CSMD1: variants seen among roughly 807,000 people sequenced by gnomAD.
CSMD1 encodes CUB and Sushi multiple domains 1.
In CSMD1, 213 loss-of-function variants were observed where a neutral mutation model predicts 417.5. The ratio of observed to expected loss-of-function variants is 0.51; its 90% CI spans 0.46 to 0.57. The LOEUF is 0.57. Among genes scored for constraint, CSMD1 ranks in the 20% least tolerant of loss-of-function variants. CSMD1 has a pLI of 0.00. For missense variants in CSMD1, 6,923 were observed against 4,529.7 expected, an observed-to-expected ratio of 1.53 and a Z score of -15.17; for synonymous variants, 2,862 against 1,736.8, an observed-to-expected ratio of 1.65 and a Z score of -16.11.
At chr8:2,964,294 G>A (rs1453212197) in intron 59 of CSMD1, among the ~76,000 whole-genome samples, 1 of 152,218 alleles carries the variant, frequency 6.6e-6, no homozygotes, top group South Asian at 2.1e-4. Context: ...TTGGAAATGG[G>A]TCCTTCCCTC....
intron 2 of CSMD1, among the ~76,000 whole-genome samples, chr8:4,559,047 C>G (rs1229316961): frequency 1.3e-5 from 2 of 152,028 alleles, no homozygotes; most frequent in Non-Finnish European, 2.9e-5. Context: ...CCCTTTGGAG[C>G]CCTCATCTTG....
chr8:4,719,322 C>G (rs558323615), intron 1 of CSMD1, among the ~76,000 whole-genome samples: 1 of 152,010 alleles, frequency 6.6e-6, no homozygotes, highest in African/African-American at 2.4e-5. Context: ...TAAGGGTTTT[C>G]TAATCTATTT....
intron 2 of CSMD1, among the ~76,000 whole-genome samples, chr8:4,575,478 G>C (rs555338858): frequency 3.3e-5 from 5 of 152,140 alleles, no homozygotes; most frequent in African/African-American, 7.2e-5. Context: ...AACGTTATCT[G>C]AAGAAAAGGA....
rs756296256 is a variant in CSMD1 at position 3,220,150 on chromosome 8, C to CAAAAAAAAAAAAAAA, written c.4485-709_4485-708insTTTTTTTTTTTTTTT. ...CCTGAGAGACAGAACAAGACCCTGT[C>CAAAAAAAAAAAAAAA]AAAAAAAAAAAAAGACTCCACTTGC... On this transcript the variant is annotated intron_variant, in intron 28 of 69. Coordinates refer to ENST00000635120, the MANE Select transcript of CSMD1 (RefSeq NM_033225.6). 9.0e-4 allele frequency among the ~76,000 whole-genome samples: 103 copies of CAAAAAAAAAAAAAAA among 114,152 alleles called. 5 individuals carry two copies. Among genetic ancestry groups the CAAAAAAAAAAAAAAA allele is most frequent in the African/African-American group, 3.3e-3 (95 of 28,866 alleles). 74.9% of individuals were successfully genotyped at this position (114,152 alleles called of 152,430 possible).
Position 3,312,275 on chromosome 8 carries a change from T to C in CSMD1, c.3632-3772A>G, listed in dbSNP as rs550595323. 2.2e-4 allele frequency among the ~76,000 whole-genome samples: 33 copies of C among 152,334 alleles called. 1 individual carries two copies. In the South Asian group the frequency reaches 6.4e-3, roughly 30 times the overall value. ...CATACAGAAGAATTAAGCCAAGTTA[T>C]TTATGGCAGCGTAGTTTTCTCTTTA... On this transcript the variant is annotated intron_variant, in intron 23 of 69. Coordinates refer to ENST00000635120, the MANE Select transcript of CSMD1 (RefSeq NM_033225.6).
intron 7 of CSMD1, among the ~76,000 whole-genome samples, chr8:3,656,116 G>A (rs1023918336): frequency 6.6e-6 from 1 of 152,198 alleles, no homozygotes; most frequent in African/African-American, 2.4e-5. Flanking sequence ...ATCATGGGGT[G>A]CGCAGTGAAC....
chr8:4,879,137 T>C (rs1183390227), intron 1 of CSMD1, among the ~76,000 whole-genome samples: 1 of 151,726 alleles, frequency 6.6e-6, no homozygotes, highest in African/African-American at 2.4e-5. Context: ...GCAAACAAAA[T>C]ATGGTGGCAG....
intron 1 of CSMD1, among the ~76,000 whole-genome samples, chr8:4,965,692 G>C (rs904915472): frequency 6.6e-6 from 1 of 152,118 alleles, no homozygotes; most frequent in Non-Finnish European, 1.5e-5. Flanking sequence ...TTGGCTGGAT[G>C]TTCAAATAAG....
At chr8:4,359,970 A>G (rs1402901808) in intron 3 of CSMD1, among the ~76,000 whole-genome samples, 1 of 152,198 alleles carries the variant, frequency 6.6e-6, no homozygotes, top group African/African-American at 2.4e-5. Context: ...CATGGTTAGG[A>G]TGCTCAATTA....
At chr8:4,456,445 G>C (rs910909263) in intron 2 of CSMD1, among the ~76,000 whole-genome samples, 1 of 152,108 alleles carries the variant, frequency 6.6e-6, no homozygotes, top group African/African-American at 2.4e-5. Flanking sequence ...TTGCTGTTAA[G>C]AGTATTCTTA....
At chr8:3,378,273 A>C (rs533301643) in intron 18 of CSMD1, among the ~76,000 whole-genome samples, 1 of 152,348 alleles carries the variant, frequency 6.6e-6, no homozygotes, top group African/African-American at 2.4e-5. Flanking sequence ...TACCAACTAA[A>C]AGAAGCCCAG....
Position 4,139,833 on chromosome 8 carries a change from G to A in CSMD1, c.416-107734C>T, listed in dbSNP as rs145073422. Among the ~76,000 whole-genome samples, 48 of 151,112 alleles carry A rather than the reference G, an allele frequency of 3.2e-4. 2 individuals carry two copies. Among genetic ancestry groups the A allele is most frequent in the African/African-American group, 1.0e-3 (42 of 40,442 alleles). On this transcript the variant is annotated intron_variant, in intron 3 of 69. Transcript: ENST00000635120. ...TGGACATTCCACAGAGGGCCTTGGA[G>A]CAGAAGAACAAAGTGATCAGATGGA...
intron 17 of CSMD1, among the ~76,000 whole-genome samples, chr8:3,391,362 C>G (rs796659592): frequency 1.3e-5 from 2 of 152,252 alleles, no homozygotes; most frequent in African/African-American, 4.8e-5. Context: ...AAAAAATGCT[C>G]TAAAATTAAA....
At chr8:4,407,277 G>A (rs1007694151) in intron 3 of CSMD1, among the ~76,000 whole-genome samples, 1 of 152,136 alleles carries the variant, frequency 6.6e-6, no homozygotes, top group African/African-American at 2.4e-5. Flanking sequence ...AACTTTTGGA[G>A]TAATTTCATA....
intron 3 of CSMD1, among the ~76,000 whole-genome samples, chr8:4,279,421 G>C (rs1019034402): frequency 6.6e-6 from 1 of 152,104 alleles, no homozygotes; most frequent in African/African-American, 2.4e-5. Context: ...GTGAATTTTT[G>C]GCAGTATTGT....
chr8:3,462,360 C>T (rs1298853292), intron 12 of CSMD1, among the ~76,000 whole-genome samples: 3 of 152,128 alleles, frequency 2.0e-5, no homozygotes, highest in African/African-American at 7.2e-5. Flanking sequence ...AGTACTCGTC[C>T]ATGGCCTGCT....
rs747463962 is a variant in CSMD1 at position 4,419,924 on chromosome 8, G to A, written c.415+29C>T. ...GTATTAGATCATTTGGACAGTGAATGCATGTGCAAAACACAACCAATCTCC... is the reference window on the plus strand; with the variant it reads ...GTATTAGATCATTTGGACAGTGAATACATGTGCAAAACACAACCAATCTCC... On this transcript the variant is annotated intron_variant, in intron 3 of 69. Coordinates refer to ENST00000635120, the MANE Select transcript of CSMD1 (RefSeq NM_033225.6). The A allele has an allele frequency of 8.9e-6, 12 of 1,343,080 alleles. No homozygotes were observed. The East Asian group carries it at 2.2e-4, about 25-fold the overall frequency. 83.2% of individuals were successfully genotyped at this position (1,343,080 alleles called of 1,614,324 possible).
At chr8:3,511,944 G>C (rs1046070936) in intron 10 of CSMD1, among the ~76,000 whole-genome samples, 4 of 150,686 alleles carry the variant, frequency 2.7e-5, no homozygotes, top group African/African-American at 4.9e-5. Flanking sequence ...ATGATTTTTG[G>C]TAAAAGTTTT....
intron 2 of CSMD1, among the ~76,000 whole-genome samples, chr8:4,564,606 T>A (rs760876736): frequency 4.6e-5 from 7 of 152,172 alleles, no homozygotes; most frequent in Non-Finnish European, 1.0e-4. Context: ...CAAATCCAGG[T>A]AACAGTTAAG....
Sources: allele counts gnomAD v4.1 joint callset (sites outside exome capture counted in the v4.1 genomes callset), GRCh38; gene constraint gnomAD v4.1.1; transcripts MANE v1.5; gene names NCBI Gene and HGNC (gene_info 2026-07-23, HGNC 2026-07-21).